PRKN: variants seen among roughly 807,000 people sequenced by gnomAD.
PRKN encodes the protein parkin RBR E3 ubiquitin protein ligase, also known as E3 ubiquitin-protein ligase parkin.
A neutral mutation model predicts 59.5 loss-of-function variants in PRKN; 56 were observed. The ratio of observed to expected loss-of-function variants is 0.94; its 90% CI spans 0.76 to 1.18. The LOEUF (loss-of-function observed/expected upper bound fraction) is 1.18. Ranked by LOEUF, PRKN falls within the 50% of genes most tolerant of loss-of-function variation. The pLI, the probability that PRKN is intolerant of heterozygous loss-of-function variation, is 0.00. For synonymous variants in PRKN, 250 were observed against 222.1 expected, an observed-to-expected ratio of 1.13 and a Z score of -1.12; for missense variants, 657 against 596.4, an observed-to-expected ratio of 1.10 and a Z score of -1.06.
intron 7 of PRKN, among the ~76,000 whole-genome samples, chr6:161,656,758 A>G (rs1439265079): frequency 6.6e-6 from 1 of 152,124 alleles, no homozygotes; most frequent in African/African-American, 2.4e-5. Flanking sequence ...CAGTGTCCTA[A>G]TTTATCTTCT....
At chr6:161,767,381 G>C (rs917394112) in intron 7 of PRKN, among the ~76,000 whole-genome samples, 1 of 152,186 alleles carries the variant, frequency 6.6e-6, no homozygotes, top group South Asian at 2.1e-4. Flanking sequence ...GTCGGGTGTG[G>C]TGGCGGGCGC....
rs1161509393 is a variant in PRKN at position 161,550,237 on chromosome 6, G to A, written c.934-1234C>T. On this transcript the variant is annotated intron_variant, in intron 8 of 11. Coordinates refer to ENST00000366898, the MANE Select transcript of PRKN (RefSeq NM_004562.3). The surrounding 1 kb of genome is among the most constrained non-coding windows in gnomAD (Gnocchi z 4.0). The stretch of plus-strand genomic sequence containing the variant: ...GAACAAGGAGGGAAAAAAACAGAAG[G>A]TGAAGTTGGAGAGTTTGTGAGGATC... Among the ~76,000 whole-genome samples, 1 of 152,210 alleles carries A rather than the reference G, an allele frequency of 6.6e-6. No individual in the cohort carries two copies. Among genetic ancestry groups the A allele is most frequent in the Non-Finnish European group, 1.5e-5 (1 of 68,038 alleles).
intron 2 of PRKN, among the ~76,000 whole-genome samples, chr6:162,371,228 A>C (rs1414342394): frequency 6.6e-6 from 1 of 152,178 alleles, no homozygotes; most frequent in Non-Finnish European, 1.5e-5. Flanking sequence ...TATTATTTCA[A>C]GCAGTTCACT....
intron 5 of PRKN, among the ~76,000 whole-genome samples, chr6:162,020,480 C>A (rs1783103828): frequency 7.0e-6 from 1 of 142,340 alleles, no homozygotes; most frequent in Non-Finnish European, 1.6e-5. Flanking sequence ...ATTTGAATAT[C>A]AAAAAGTGGT....
chr6:161,978,883 C>T (rs563943967), intron 5 of PRKN, among the ~76,000 whole-genome samples: 2 of 152,310 alleles, frequency 1.3e-5, no homozygotes, highest in South Asian at 2.1e-4. Flanking sequence ...GGGGAGCAGC[C>T]GGGCAGTGTC....
At chr6:162,382,675 T>C (rs1786553865) in intron 2 of PRKN, among the ~76,000 whole-genome samples, 1 of 152,180 alleles carries the variant, frequency 6.6e-6, no homozygotes, top group African/African-American at 2.4e-5. Context: ...TGTGGCAATT[T>C]CTTATAAAAA....
At chr6:162,525,428 C>T (rs1298830657) in intron 1 of PRKN, among the ~76,000 whole-genome samples, 4 of 152,186 alleles carry the variant, frequency 2.6e-5, no homozygotes, top group African/African-American at 9.6e-5. Flanking sequence ...TGGGCCCAGG[C>T]TGGCCACATC....
At chr6:162,192,271 A>G (rs1284802930) in intron 4 of PRKN, among the ~76,000 whole-genome samples, 2 of 152,100 alleles carry the variant, frequency 1.3e-5, no homozygotes, top group Non-Finnish European at 2.9e-5. Flanking sequence ...AAAACTTTTA[A>G]TATCTTTTAC....
chr6:162,268,574 G>C (rs1359293890), intron 2 of PRKN, among the ~76,000 whole-genome samples: 1 of 152,206 alleles, frequency 6.6e-6, no homozygotes, highest in Admixed American at 6.5e-5. Context: ...AAATCCAAGA[G>C]AACTGTGCCT....
At chr6:161,569,788 A>G (rs1490374861) in intron 7 of PRKN, among the ~76,000 whole-genome samples, 1 of 152,108 alleles carries the variant, frequency 6.6e-6, no homozygotes, top group African/African-American at 2.4e-5. Flanking sequence ...GGAGTTGGTG[A>G]CCACAGGCTC....
At position 162,039,923 on chromosome 6, in the gene PRKN, T is replaced by C. The variant is rs975278189; in HGVS notation, c.618+14168A>G. On this transcript the variant is annotated intron_variant, in intron 5 of 11. Coordinates refer to ENST00000366898, the MANE Select transcript of PRKN (RefSeq NM_004562.3). ...CTGCTATTCAACAAACCACCCCAAA[T>C]GTTAGTGGATTAAATATTTTTTAGT... 2.6e-5 allele frequency among the ~76,000 whole-genome samples: 4 copies of C among 152,266 alleles called. No individual in the cohort carries two copies. The South Asian group carries it at 8.3e-4, about 32-fold the overall frequency.
intron 4 of PRKN, among the ~76,000 whole-genome samples, chr6:162,095,279 C>T (rs1393121308): frequency 2.6e-5 from 4 of 152,140 alleles, no homozygotes; most frequent in Non-Finnish European, 4.4e-5. Context: ...ACGAGGCCTA[C>T]ACCTCCCCGA....
At chr6:162,005,725 G>A (rs1782224904) in intron 5 of PRKN, among the ~76,000 whole-genome samples, 1 of 152,090 alleles carries the variant, frequency 6.6e-6, no homozygotes, top group East Asian at 1.9e-4. Flanking sequence ...TAAAGTAGTT[G>A]AGATACAGAA....
chr6:161,965,786 T>C (rs1409670003), intron 6 of PRKN, among the ~76,000 whole-genome samples: 3 of 152,166 alleles, frequency 2.0e-5, no homozygotes, highest in Non-Finnish European at 4.4e-5. Context: ...TGACATTTGG[T>C]TGAGTTTGTC....
intron 2 of PRKN, among the ~76,000 whole-genome samples, chr6:162,268,734 C>A (rs921933341): frequency 1.3e-5 from 2 of 152,134 alleles, no homozygotes; most frequent in African/African-American, 4.8e-5. Flanking sequence ...CCCAGGCCAT[C>A]GACTCCTCTG....
chr6:161,759,151 T>G (rs1319952535), intron 7 of PRKN, among the ~76,000 whole-genome samples: 1 of 148,122 alleles, frequency 6.8e-6, no homozygotes, highest in African/African-American at 2.5e-5. Context: ...CATTCCAGCC[T>G]GGCGACAGAG....
intron 5 of PRKN, among the ~76,000 whole-genome samples, chr6:161,977,030 G>A (rs1380498290): frequency 6.6e-6 from 1 of 152,136 alleles, no homozygotes; most frequent in Non-Finnish European, 1.5e-5. Flanking sequence ...AACTCACATT[G>A]CCAACCCTAT....
intron 9 of PRKN, among the ~76,000 whole-genome samples, chr6:161,404,846 C>T (rs1319774348): frequency 6.6e-6 from 1 of 152,162 alleles, no homozygotes; most frequent in East Asian, 1.9e-4. Flanking sequence ...TACAGAGAAC[C>T]TGACATCCTC....
chr6:162,085,158 G>A (rs1238552591), intron 4 of PRKN, among the ~76,000 whole-genome samples: 3 of 149,088 alleles, frequency 2.0e-5, no homozygotes, highest in Non-Finnish European at 4.4e-5. Flanking sequence ...TACGAGATAG[G>A]CTTTTTAAAA....
Sources: allele counts gnomAD v4.1 joint callset (sites outside exome capture counted in the v4.1 genomes callset), GRCh38; gene constraint gnomAD v4.1.1; non-coding constraint Gnocchi (gnomAD v3.1); transcripts MANE v1.5; gene names NCBI Gene and HGNC (gene_info 2026-07-23, HGNC 2026-07-21).